LTBP1: variants seen among roughly 807,000 people sequenced by gnomAD.
The protein encoded by LTBP1 is latent-transforming growth factor beta-binding protein 1.
A neutral mutation model predicts 207.6 loss-of-function variants in LTBP1; 129 were observed. That is an observed-to-expected ratio of 0.62 (90% CI 0.54 to 0.72). The LOEUF is 0.72. Ranked by LOEUF, LTBP1 falls within the 30% of genes least tolerant of loss-of-function variation. The pLI, the probability that LTBP1 is intolerant of heterozygous loss-of-function variation, is 0.00. For synonymous variants in LTBP1, 963 were observed against 833.7 expected, an observed-to-expected ratio of 1.16 and a Z score of -2.67; for missense variants, 2,281 against 2,217.2, an observed-to-expected ratio of 1.03 and a Z score of -0.58.
chr2:33,187,633 A>G (rs962015217), intron 6 of LTBP1, among the ~76,000 whole-genome samples: 2 of 152,260 alleles, frequency 1.3e-5, no homozygotes, highest in African/African-American at 4.8e-5. Context: ...ACTTTTAAAA[A>G]GGGAATCATA....
chr2:33,187,001 A>G lies in LTBP1; in HGVS notation c.1347A>G (p.Pro449=). 1.9e-6 allele frequency: 3 copies of G among 1,614,228 alleles called. No individual in the cohort carries two copies. The highest frequency in any genetic ancestry group is 2.5e-6 in the Non-Finnish European group (3 of 1,180,030). The part of the protein sequence containing the change: ...VPKLYQHSQQ[P]GKALGTHVIH... The stretch of plus-strand genomic sequence containing the variant: ...AACTTTATCAGCATTCCCAGCAGCC[A>G]GGCAAGGCGTTGGGGACGCATGTCA... Residue 449 remains proline (P), a synonymous_variant, in exon 6 of 34, where the codon CCA becomes CCG. Transcript: ENST00000404816.
chr2:32,951,552 C>T (rs898734947), intron 2 of LTBP1, among the ~76,000 whole-genome samples: 6 of 152,164 alleles, frequency 3.9e-5, no homozygotes, highest in South Asian at 2.1e-4. Context: ...GAAAGACCCC[C>T]GGCTTTGGGG....
chr2:33,178,093 A>G (rs747387908), intron 5 of LTBP1, among the ~76,000 whole-genome samples: 9 of 152,116 alleles, frequency 5.9e-5, no homozygotes, highest in African/African-American at 1.7e-4. Context: ...GCAGATGGAG[A>G]CACTGTAGTC....
At chr2:33,180,919 A>C (rs954685426) in intron 5 of LTBP1, among the ~76,000 whole-genome samples, 15 of 152,254 alleles carry the variant, frequency 9.9e-5, no homozygotes, top group African/African-American at 3.6e-4. Flanking sequence ...AGGGATATCA[A>C]CAAAAATGCT....
At chr2:33,091,084 T>G (rs971816274) in intron 3 of LTBP1, among the ~76,000 whole-genome samples, 12 of 152,230 alleles carry the variant, frequency 7.9e-5, no homozygotes, top group Non-Finnish European at 1.3e-4. Context: ...GCAGCACTTT[T>G]GTGGAGCCTC....
At chr2:33,004,845 G>A (rs219175) in intron 2 of LTBP1, among the ~76,000 whole-genome samples, 1 of 138,062 alleles carries the variant, frequency 7.2e-6, no homozygotes, top group African/African-American at 2.6e-5. Context: ...AGTATTTATT[G>A]TGGCTAGTAT....
At chr2:33,093,536 C>G (rs2079221057) in intron 3 of LTBP1, among the ~76,000 whole-genome samples, 1 of 151,976 alleles carries the variant, frequency 6.6e-6, no homozygotes, top group African/African-American at 2.4e-5. Context: ...CCTTCATGGG[C>G]TCCGCATTTG....
In LTBP1 at chr2:33,214,245, C is replaced by G. The variant is rs1004354468; in HGVS notation, c.1702-3307C>G. ...GGGGACCTCTGTGTTTTTACAGAAT[C>G]ATTTTGTTCCCAGTCTTAGGCCTGG... is the stretch of plus-strand genomic sequence containing the variant. On this transcript the variant is annotated intron_variant, in intron 7 of 33. Transcript: ENST00000404816. Among the ~76,000 whole-genome samples the G allele has an allele frequency of 1.2e-4, 19 of 152,172 alleles. 1 individual carries two copies. The highest frequency in any genetic ancestry group is 2.9e-5 in the Non-Finnish European group (2 of 68,028).
In LTBP1 at chr2:33,005,594, CTTT is replaced by C. The variant is rs57363701; in HGVS notation, c.566-15297_566-15295del. 1.1e-3 allele frequency among the ~76,000 whole-genome samples: 150 copies of C among 132,874 alleles called. 2 individuals carry two copies. Among genetic ancestry groups the C allele is most frequent in the South Asian group, 3.4e-3 (14 of 4,138 alleles). 87.2% of individuals were successfully genotyped at this position (132,874 alleles called of 152,430 possible). A position where few individuals can be genotyped will look rare whatever the true frequency, so the allele number is the denominator to read the frequency against. On this transcript the variant is annotated intron_variant, in intron 2 of 33. Transcript: ENST00000404816. ...AAGAGAGAGGGAACATAAGCTCTACCTTTTTTTTTTTTTTTTTTTTGAGACAGT... is the reference window on the plus strand; with the variant it reads ...AAGAGAGAGGGAACATAAGCTCTACCTTTTTTTTTTTTTTTTTGAGACAGT...
chr2:33,390,193 G>A (rs1203147736), intron 32 of LTBP1, among the ~76,000 whole-genome samples: 1 of 152,156 alleles, frequency 6.6e-6, no homozygotes, highest in African/African-American at 2.4e-5. Context: ...GAAATAATGT[G>A]TGCCAACTTT....
intron 13 of LTBP1, 57 bp from the exon 14 acceptor site, chr2:33,262,665 A>G: frequency 1.1e-6 from 1 of 894,490 alleles, no homozygotes; most frequent in Non-Finnish European, 1.7e-6. Context: ...ACTAAAAATA[A>G]TTTCCACTTT....
Position 33,025,225 on chromosome 2 carries a change from CAG to C in LTBP1, c.863+4022_863+4023del, listed in dbSNP as rs149957267. 3.1e-3 allele frequency among the ~76,000 whole-genome samples: 471 copies of C among 152,282 alleles called. 1 individual carries two copies. Among genetic ancestry groups the C allele is most frequent in the Non-Finnish European group, 4.8e-3 (324 of 68,016 alleles). On this transcript the variant is annotated intron_variant, in intron 3 of 33. Coordinates refer to ENST00000404816, the MANE Select transcript of LTBP1 (RefSeq NM_206943.4). Reference sequence around the variant, plus strand: ...TGAGTTGCTAAGTCTAGTCCTCACTCAGAGGGGGTAGAAGTATGCTGCACTGC... The same window carrying C: ...TGAGTTGCTAAGTCTAGTCCTCACTCAGGGGGTAGAAGTATGCTGCACTGC...
intron 7 of LTBP1, among the ~76,000 whole-genome samples, chr2:33,205,572 A>G (rs1255678554): frequency 6.6e-6 from 1 of 152,218 alleles, no homozygotes; most frequent in East Asian, 1.9e-4. Flanking sequence ...CTGCCATGTT[A>G]TCCAGAATAT....
At chr2:33,229,635 A>C (rs924431138) in intron 9 of LTBP1, among the ~76,000 whole-genome samples, 3 of 152,236 alleles carry the variant, frequency 2.0e-5, no homozygotes, top group African/African-American at 4.8e-5. Context: ...ATCACTTGCT[A>C]TCTATTTTGT....
Position 32,947,535 on chromosome 2 carries a change from G to A in LTBP1, c.211G>A (p.Ala71Thr), listed in dbSNP as rs1558420165. The A allele has an allele frequency of 2.2e-6, 3 of 1,388,598 alleles. No homozygotes were observed. The highest frequency in any genetic ancestry group is 1.5e-5 in the South Asian group (1 of 65,212). 86.0% of individuals were successfully genotyped at this position (1,388,598 alleles called of 1,614,324 possible). Residue 71 changes from alanine to threonine, a missense_variant, in exon 1 of 34, where the codon GCC becomes ACC. Transcript: ENST00000404816. The stretch of plus-strand genomic sequence containing the variant: ...CAGCCGCAGCTCGGCGGCTGCCGGC[G>A]CCCCCAGCCGTGCCTCCCCCGGGGT... ...RYSRSSAAAG[A>T]PSRASPGVPS...
At chr2:33,103,942 G>T (rs1353326513) in intron 3 of LTBP1, among the ~76,000 whole-genome samples, 1 of 151,994 alleles carries the variant, frequency 6.6e-6, no homozygotes, top group East Asian at 1.9e-4. Flanking sequence ...TCTTACTCCT[G>T]ATTATAAAAC....
At chr2:32,989,251 G>A (rs56107019) in intron 2 of LTBP1, among the ~76,000 whole-genome samples, 17,372 of 152,208 alleles carry the variant, frequency 0.11, 1,124 homozygotes, top group African/African-American at 0.14. Context: ...AACCAGTGAG[G>A]TGTTTCAACA....
intron 7 of LTBP1, among the ~76,000 whole-genome samples, chr2:33,194,921 ATGGCCCTTAAGAAC>A (rs2088371453): frequency 1.3e-5 from 2 of 152,206 alleles, no homozygotes; most frequent in Non-Finnish European, 2.9e-5. Context: ...TGAAAATTCT[ATGGCCCTTAAGAAC>A]TATGTTAAAT....
chr2:33,341,689 C>T (rs558846593), intron 24 of LTBP1, among the ~76,000 whole-genome samples: 34 of 128,018 alleles, frequency 2.7e-4, no homozygotes, highest in Non-Finnish European at 4.4e-4. Flanking sequence ...CCAGCCTGGG[C>T]GACAGAGTGA....
Sources: allele counts gnomAD v4.1 joint callset (sites outside exome capture counted in the v4.1 genomes callset), GRCh38; gene constraint gnomAD v4.1.1; transcripts MANE v1.5; gene names NCBI Gene and HGNC (gene_info 2026-07-23, HGNC 2026-07-21).